Variants in SPIDR observed in about 807,000 individuals in gnomAD.
SPIDR encodes scaffold protein involved in DNA repair, also known as DNA repair-scaffolding protein.
In SPIDR, 93 loss-of-function variants were observed where a neutral mutation model predicts 104.6. The observed-to-expected ratio is 0.89, with a 90% confidence interval of 0.75 to 1.06. The LOEUF (loss-of-function observed/expected upper bound fraction) is 1.06. Among genes scored for constraint, SPIDR ranks in the 50% least tolerant of loss-of-function variants. The pLI is 0.00. For synonymous variants in SPIDR, 431 were observed against 416.9 expected (o/e 1.03, Z -0.41); for missense variants, 1,154 against 1,111.2 (o/e 1.04, Z -0.55).
chr8:47,729,542 C>T, intron 19 of SPIDR, 77 bp downstream of exon 19: 1 of 1,503,834 alleles, frequency 6.6e-7, no homozygotes. Context: ...GAGGAAGCCC[C>T]CACTCCCAAA....
intron 8 of SPIDR, among the ~76,000 whole-genome samples, chr8:47,502,110 G>C (rs2080576228): frequency 6.6e-6 from 1 of 152,026 alleles, no homozygotes; most frequent in African/African-American, 2.4e-5. Flanking sequence ...GTCTTTTTTT[G>C]TTGTGTCTCT....
chr8:47,457,111 G>T (rs2073121038), intron 8 of SPIDR, among the ~76,000 whole-genome samples: 2 of 151,928 alleles, frequency 1.3e-5, no homozygotes, highest in South Asian at 4.2e-4. Context: ...TTTTCCTCTG[G>T]GTCAATACCC....
At chr8:47,481,830 G>T (rs1254178859) in intron 8 of SPIDR, among the ~76,000 whole-genome samples, 1 of 152,198 alleles carries the variant, frequency 6.6e-6, no homozygotes, top group South Asian at 2.1e-4. Context: ...GAACTCTCTG[G>T]AGATAGTGGA....
At position 47,280,222 on chromosome 8, in the gene SPIDR, T is replaced by A. The variant is rs887596684; in HGVS notation, c.189+205T>A. Among the ~76,000 whole-genome samples, 370 of 150,878 alleles carry A rather than the reference T, an allele frequency of 2.5e-3. 1 individual carries two copies. The highest frequency in any genetic ancestry group is 6.5e-3 in the Admixed American group (99 of 15,204). On this transcript the variant is annotated intron_variant, in intron 2 of 19. Transcript: ENST00000297423. ...AAGTTAGTATTCACCTTTTTATTTT[T>A]TATTTTTTTTTTATTTTATTTATTT...
chr8:47,642,675 G>A (rs931621985), intron 10 of SPIDR, among the ~76,000 whole-genome samples: 8 of 152,194 alleles, frequency 5.3e-5, no homozygotes, highest in African/African-American at 1.7e-4. Flanking sequence ...GGCACTTTGG[G>A]AGGCAGGAGG....
intron 8 of SPIDR, among the ~76,000 whole-genome samples, chr8:47,492,091 C>A (rs1230492128): frequency 6.6e-6 from 1 of 152,060 alleles, no homozygotes; most frequent in Non-Finnish European, 1.5e-5. Context: ...CATAACTAGA[C>A]CCCTGTGCAT....
chr8:47,555,396 A>C (rs1204183152), intron 8 of SPIDR, among the ~76,000 whole-genome samples: 1 of 152,132 alleles, frequency 6.6e-6, no homozygotes, highest in Non-Finnish European at 1.5e-5. Flanking sequence ...AGAAGAGTCA[A>C]CTCCAGTCCC....
At chr8:47,728,024 G>A (rs538789055) in intron 17 of SPIDR, among the ~76,000 whole-genome samples, 2 of 152,078 alleles carry the variant, frequency 1.3e-5, no homozygotes, top group Non-Finnish European at 2.9e-5. Context: ...GGCTGAGGCA[G>A]GAGAATCTCT....
chr8:47,360,527 G>A (rs1381406361), intron 5 of SPIDR, among the ~76,000 whole-genome samples: 1 of 152,162 alleles, frequency 6.6e-6, no homozygotes, highest in Non-Finnish European at 1.5e-5. Flanking sequence ...CAGGCAGGTG[G>A]TGAAAACCCG....
chr8:47,608,722 TTTTTTTA>T (rs1367125999), intron 10 of SPIDR, among the ~76,000 whole-genome samples: 2 of 152,222 alleles, frequency 1.3e-5, no homozygotes, highest in African/African-American at 2.4e-5. Context: ...CATCTTTTCT[TTTTTTTA>T]TTTTTTATTT....
rs1410077806 is a variant in SPIDR at position 47,299,078 on chromosome 8, A to T, written c.525+5048A>T. On this transcript the variant is annotated intron_variant, in intron 5 of 19. Coordinates refer to ENST00000297423, the MANE Select transcript of SPIDR (RefSeq NM_001080394.4). ...CATTTTCACGATATTGACTCTTCCT[A>T]CCCATGAGCATGGAATGTTCTTCCA... is the stretch of plus-strand genomic sequence containing the variant. Among the ~76,000 whole-genome samples, 4 of 145,644 alleles carry T rather than the reference A, an allele frequency of 2.7e-5. No individual in the cohort carries two copies. The East Asian group carries it at 7.7e-4, about 28-fold the overall frequency.
chr8:47,406,598 G>T (rs1421247603), intron 6 of SPIDR, among the ~76,000 whole-genome samples: 3 of 152,088 alleles, frequency 2.0e-5, no homozygotes, highest in Non-Finnish European at 2.9e-5. Flanking sequence ...AACATACTAG[G>T]TGTCTCTATA....
chr8:47,316,050 A>G (rs2045279688), intron 5 of SPIDR, among the ~76,000 whole-genome samples: 1 of 152,224 alleles, frequency 6.6e-6, no homozygotes, highest in African/African-American at 2.4e-5. Context: ...AATAATAGCA[A>G]AACCTGTATC....
intron 5 of SPIDR, among the ~76,000 whole-genome samples, chr8:47,319,157 A>T (rs556331998): frequency 6.6e-6 from 1 of 152,226 alleles, no homozygotes; most frequent in African/African-American, 2.4e-5. Context: ...GGCAAATTGG[A>T]TAAAGAGTCA....
At chr8:47,404,808 A>T (rs1197171840) in intron 6 of SPIDR, among the ~76,000 whole-genome samples, 1 of 152,198 alleles carries the variant, frequency 6.6e-6, no homozygotes. Context: ...TTCCTCAAGG[A>T]TCTAGAACTA....
At chr8:47,316,329 A>T (rs587598490) in intron 5 of SPIDR, among the ~76,000 whole-genome samples, 1 of 152,294 alleles carries the variant, frequency 6.6e-6, no homozygotes, top group South Asian at 2.1e-4. Flanking sequence ...TTATAAAATT[A>T]AGAGTTTTTC....
intron 10 of SPIDR, among the ~76,000 whole-genome samples, chr8:47,643,355 T>A (rs2069553396): frequency 6.6e-6 from 1 of 152,330 alleles, no homozygotes; most frequent in African/African-American, 2.4e-5. Context: ...TTTAATTTTT[T>A]ATTTGTTTGT....
intron 8 of SPIDR, among the ~76,000 whole-genome samples, chr8:47,502,174 T>A (rs1368833646): frequency 6.6e-6 from 1 of 152,238 alleles, no homozygotes; most frequent in Non-Finnish European, 1.5e-5. Flanking sequence ...TTAGGGACGA[T>A]TCCCTCTTTT....
chr8:47,268,680 A>G (rs1472785246), intron 1 of SPIDR, among the ~76,000 whole-genome samples: 1 of 152,090 alleles, frequency 6.6e-6, no homozygotes, highest in Non-Finnish European at 1.5e-5. Flanking sequence ...CTGGTCTCAA[A>G]TTCCTGGGCT....
Sources: gnomAD v4.1 joint callset for allele counts (sites outside exome capture counted in the v4.1 genomes callset) on GRCh38, gnomAD v4.1.1 for gene constraint, MANE v1.5 for transcripts, NCBI Gene and HGNC (gene_info 2026-07-23, HGNC 2026-07-21) for gene names.